SNX10: variants seen among roughly 807,000 people sequenced by gnomAD.
SNX10 encodes the protein sorting nexin 10.
In SNX10, 25 loss-of-function variants were observed where a neutral mutation model predicts 28.5. The observed-to-expected ratio is 0.88, with a 90% confidence interval of 0.64 to 1.22. The LOEUF (loss-of-function observed/expected upper bound fraction) is 1.22. SNX10 is among the 50% of genes most tolerant of loss of function. The pLI is 0.00. For missense variants in SNX10, 223 were observed against 242.6 expected, an observed-to-expected ratio of 0.92 and a Z score of 0.54; for synonymous variants, 62 against 81.4, an observed-to-expected ratio of 0.76 and a Z score of 1.28.
chr7:26,357,888 G>A (rs542189215), intron 2 of SNX10, among the ~76,000 whole-genome samples: 222 of 152,230 alleles, frequency 1.5e-3, no homozygotes, highest in African/African-American at 5.1e-3. Flanking sequence ...AGGTGGATCA[G>A]GCTAGAGGCT....
chr7:26,296,065 G>T (rs1786096971), intron 1 of SNX10, among the ~76,000 whole-genome samples: 1 of 150,926 alleles, frequency 6.6e-6, no homozygotes. Flanking sequence ...AGCCCAGGAG[G>T]TTGAGGCTGC....
intron 1 of SNX10, among the ~76,000 whole-genome samples, chr7:26,328,092 C>G (rs1787574858): frequency 6.6e-6 from 1 of 152,052 alleles, no homozygotes; most frequent in Non-Finnish European, 1.5e-5. Context: ...TTGGGCCCTA[C>G]CAATGGAATG....
chr7:26,337,468 C>T (rs10270099), intron 1 of SNX10, among the ~76,000 whole-genome samples: 59,644 of 152,104 alleles, frequency 0.39, 12,700 homozygotes, highest in South Asian at 0.57. Flanking sequence ...ATGCTCCTTT[C>T]ACCCTTTCCT....
Position 26,360,766 on chromosome 7 carries a change from T to A in SNX10, c.25-209T>A, listed in dbSNP as rs114166483. ...CTCCCACCTCAGTGTTGCATTATTT[T>A]AAAAATTCCATTATGTGGCAAAAGT... On this transcript the variant is annotated intron_variant, in intron 2 of 6. Transcript: ENST00000338523. The A allele has an allele frequency of 1.5e-3, 2,004 of 1,343,136 alleles. 4 individuals carry two copies. The highest frequency in any genetic ancestry group is 6.3e-3 in the African/African-American group (421 of 66,346). 83.2% of individuals were successfully genotyped at this position (1,343,136 alleles called of 1,614,324 possible). A position where few individuals can be genotyped will look rare whatever the true frequency, so the allele number is the denominator to read the frequency against.
chr7:26,322,366 A>G (rs190389063), intron 1 of SNX10, among the ~76,000 whole-genome samples: 101 of 152,358 alleles, frequency 6.6e-4, no homozygotes, highest in African/African-American at 2.1e-3. Flanking sequence ...ATTTTATAAA[A>G]GAAAGAATAT....
chr7:26,327,230 C>T (rs34809078), intron 1 of SNX10, among the ~76,000 whole-genome samples: 51,384 of 152,014 alleles, frequency 0.34, 10,713 homozygotes, highest in South Asian at 0.47. Context: ...GGATTACAGG[C>T]GTGAACCACT....
At chr7:26,307,328 C>T (rs1056329955) in intron 1 of SNX10, among the ~76,000 whole-genome samples, 2 of 152,234 alleles carry the variant, frequency 1.3e-5, no homozygotes, top group Non-Finnish European at 2.9e-5. Flanking sequence ...AAACAGCCCC[C>T]CTTTTCCAAC....
intron 1 of SNX10, among the ~76,000 whole-genome samples, chr7:26,324,286 A>G (rs1787415307): frequency 6.6e-6 from 1 of 152,226 alleles, no homozygotes; most frequent in Admixed American, 6.5e-5. Flanking sequence ...ACCGTAAGGA[A>G]GTAAAATTGT....
intron 2 of SNX10, among the ~76,000 whole-genome samples, chr7:26,350,075 A>T (rs904124477): frequency 1.3e-5 from 2 of 152,206 alleles, no homozygotes; most frequent in African/African-American, 4.8e-5. Context: ...GTATGTGTGC[A>T]TGCGTGCATA....
chr7:26,339,165 A>T (rs936998141), intron 1 of SNX10, among the ~76,000 whole-genome samples: 3 of 152,350 alleles, frequency 2.0e-5, no homozygotes, highest in Admixed American at 6.5e-5. Flanking sequence ...AAGTTAGTTC[A>T]GCTTATGCCC....
intron 1 of SNX10, among the ~76,000 whole-genome samples, chr7:26,295,117 T>TATTTTA (rs1786060632): frequency 6.6e-6 from 1 of 152,258 alleles, no homozygotes; most frequent in African/African-American, 2.4e-5. Flanking sequence ...TAGTCTCTGT[T>TATTTTA]ATTTTTAAAA....
At chr7:26,349,741 G>A (rs1170287048) in intron 2 of SNX10, among the ~76,000 whole-genome samples, 3 of 152,218 alleles carry the variant, frequency 2.0e-5, no homozygotes, top group Non-Finnish European at 2.9e-5. Flanking sequence ...GACAGGAAGC[G>A]CATTTCAGAC....
chr7:26,348,877 T>TC (rs1243326659), intron 2 of SNX10, among the ~76,000 whole-genome samples: 1 of 152,220 alleles, frequency 6.6e-6, no homozygotes, highest in East Asian at 1.9e-4. Flanking sequence ...AATAATCTCT[T>TC]CCCCTAGCCT....
chr7:26,312,792 G>GA (rs1786901581), intron 1 of SNX10, among the ~76,000 whole-genome samples: 1 of 151,928 alleles, frequency 6.6e-6, no homozygotes, highest in Admixed American at 6.6e-5. Context: ...TCAAAAAAAA[G>GA]AAAATAGTGG....
At chr7:26,333,403 C>T (rs1400037603) in intron 1 of SNX10, among the ~76,000 whole-genome samples, 2 of 147,228 alleles carry the variant, frequency 1.4e-5, no homozygotes, top group African/African-American at 2.5e-5. Context: ...CCGCTCACTG[C>T]AAGCTCCACC....
chr7:26,361,185 T>A, intron 3 of SNX10, 124 bp downstream of exon 3: 1 of 955,214 alleles, frequency 1.0e-6, no homozygotes, highest in Non-Finnish European at 1.5e-6. Context: ...TGATTACAAC[T>A]AATGCTTTTA....
At chr7:26,332,785 G>T (rs772756946) in intron 1 of SNX10, among the ~76,000 whole-genome samples, 1 of 152,124 alleles carries the variant, frequency 6.6e-6, no homozygotes, top group Non-Finnish European at 1.5e-5. Flanking sequence ...ATTCTTTTGC[G>T]TGTGGCTATC....
In SNX10 at chr7:26,291,897, T is replaced by C. The variant is rs1562775832; in HGVS notation, c.-213T>C. 7.0e-6 allele frequency: 1 copy of C among 143,434 alleles called. No individual in the cohort carries two copies. The highest frequency in any genetic ancestry group is 2.5e-5 in the African/African-American group (1 of 40,510). The allele number at this position is 143,434 out of a possible 1,614,324, so 8.9% of individuals were successfully genotyped here. The stretch of plus-strand genomic sequence containing the variant: ...GCGCCCACAGGCGGACGGCTGGCGC[T>C]GAGCGCGGGCGCGGGGCCGCTACGT... On this transcript the variant is annotated 5_prime_UTR_variant, in exon 1 of 7. Coordinates refer to ENST00000338523, the MANE Select transcript of SNX10 (RefSeq NM_013322.3).
chr7:26,342,041 T>TC (rs1415415199), intron 1 of SNX10, among the ~76,000 whole-genome samples: 42 of 141,910 alleles, frequency 3.0e-4, no homozygotes, highest in South Asian at 8.4e-4. Flanking sequence ...TTTTTTTTTT[T>TC]TTTAGATGCA....
Sources: gnomAD v4.1 joint callset for allele counts (sites outside exome capture counted in the v4.1 genomes callset) on GRCh38, gnomAD v4.1.1 for gene constraint, MANE v1.5 for transcripts, NCBI Gene and HGNC (gene_info 2026-07-23, HGNC 2026-07-21) for gene names.